The following ACSBG1 variants were observed in gnomAD, a reference collection of about 807,000 sequenced individuals.
ACSBG1 encodes the protein acyl-CoA synthetase bubblegum family member 1.
In ACSBG1, 39 loss-of-function variants were observed where a neutral mutation model predicts 80.2. The observed-to-expected ratio is 0.49, with a 90% CI of 0.38 to 0.64. The LOEUF (loss-of-function observed/expected upper bound fraction) is 0.64. Among genes scored for constraint, ACSBG1 ranks in the 30% least tolerant of loss-of-function variants. ACSBG1 has a pLI of 0.00. For missense variants in ACSBG1, 828 were observed against 966.4 expected, an observed-to-expected ratio of 0.86 and a Z score of 1.90; for synonymous variants, 392 against 379.5, an observed-to-expected ratio of 1.03 and a Z score of -0.38.
chr15:78,174,793 C>A, intron 11 of ACSBG1: 1 of 486,120 alleles, frequency 2.1e-6, no homozygotes, highest in South Asian at 2.4e-5. Context: ...TCATCCATGG[C>A]CCCCTTCTGC....
intron 13 of ACSBG1, among the ~76,000 whole-genome samples, chr15:78,173,344 CAAAAAAAAAAAAA>C: frequency 1.3e-5 from 1 of 75,232 alleles, no homozygotes; most frequent in South Asian, 6.0e-4. Flanking sequence ...GACTCCATCT[CAAAAAAAAAAAAA>C]AAAAAAAAAA....
intron 2 of ACSBG1, among the ~76,000 whole-genome samples, chr15:78,198,746 A>T (rs541608110): frequency 3.1e-4 from 47 of 152,352 alleles, no homozygotes; most frequent in African/African-American, 1.1e-3. Flanking sequence ...CCCTCTTTCT[A>T]CAAATATTCA....
At position 78,179,542 on chromosome 15, in the gene ACSBG1, AGCCT is replaced by A; in HGVS notation, c.1484+4_1484+7del. 6.2e-7 allele frequency: 1 copy of A among 1,607,674 alleles called. No homozygotes were observed. The highest frequency in any genetic ancestry group is 8.5e-7 in the Non-Finnish European group (1 of 1,174,596). On this transcript the variant is annotated splice_donor_5th_base_variant and intron_variant, in intron 10 of 13. Transcript: ENST00000258873. ...GGTGTGCATGTGTGTGGCAGCCTCGAGCCTCACCTGTACAGCCGGTAGTTGTAGG... is the reference window on the plus strand; with the variant it reads ...GGTGTGCATGTGTGTGGCAGCCTCGACACCTGTACAGCCGGTAGTTGTAGG...
rs375386246 is a variant in ACSBG1, at chr15:78,171,419, T to A, written c.*25A>T. 1.9e-6 allele frequency: 3 copies of A among 1,600,782 alleles called. No individual in the cohort carries two copies. The South Asian group carries it at 3.3e-5, about 18-fold the overall frequency. ...CTCGGAACGCCTGCCCTCTATTCTA[T>A]AGAAACTGCAGGCATAGGCCCTGAT... On this transcript the variant is annotated 3_prime_UTR_variant, in exon 14 of 14. Transcript: ENST00000258873.
chr15:78,173,973 T>C, intron 12 of ACSBG1, 134 bp from the exon 13 acceptor site: 1 of 1,091,780 alleles, frequency 9.2e-7, no homozygotes, highest in Non-Finnish European at 1.3e-6. Flanking sequence ...GGTTCTAGAA[T>C]GAGTAGCTGC....
chr15:78,193,611 G>A lies in ACSBG1; in HGVS notation c.558C>T (p.Gly186=). ...GTVFAGGIVT[G]IYTTSSPEAC... is the part of the protein sequence containing the mutation. Reference sequence around the variant, plus strand: ...CCTCTGGGGAGCTGGTGGTGTAGATGCCAGTGACGATGCCACTGTAGGAGA... The same window carrying A: ...CCTCTGGGGAGCTGGTGGTGTAGATACCAGTGACGATGCCACTGTAGGAGA... The change falls in exon 5 of 14, where the codon GGC becomes GGT. Residue 186 remains glycine, a synonymous_variant. Transcript: ENST00000258873. The A allele has an allele frequency of 1.2e-6, 2 of 1,611,216 alleles. No homozygotes were observed. The highest frequency in any genetic ancestry group is 1.7e-6 in the Non-Finnish European group (2 of 1,178,576).
In ACSBG1 at chr15:78,204,215, GTTCTCTATACGC is replaced by G. The variant is rs571878080; in HGVS notation, c.232+3775_232+3786del. On this transcript the variant is annotated intron_variant, in intron 2 of 13. Transcript: ENST00000258873. ...GAATTACAATTGGGGTAGACAAGAT[GTTCTCTATACGC>G]TTCTCCACAGTCATTGTTTTAGCTT... Among the ~76,000 whole-genome samples, 353 of 152,334 alleles carry G rather than the reference GTTCTCTATACGC, an allele frequency of 2.3e-3. 2 individuals are homozygous for G. The highest frequency in any genetic ancestry group is 0.01 in the Middle Eastern group (3 of 294).
Position 78,182,565 on chromosome 15 carries a change from G to A in ACSBG1, c.795C>T (p.Asp265=), listed in dbSNP as rs181992530. 9.3e-5 allele frequency: 150 copies of A among 1,614,084 alleles called. No individual in the cohort carries two copies. The Middle Eastern group carries it at 1.2e-3, about 12-fold the overall frequency. The change falls in exon 7 of 14, where the codon GAC becomes GAT. Residue 265 remains aspartate (D), a synonymous_variant. Coordinates refer to ENST00000258873, the MANE Select transcript of ACSBG1 (RefSeq NM_015162.5). ...TGGGCTGCTGGGTGTCAATGATGGCGTCCAGGGCTTCCTCAGGCACTTCAT... is the reference window on the plus strand; with the variant it reads ...TGGGCTGCTGGGTGTCAATGATGGCATCCAGGGCTTCCTCAGGCACTTCAT... ...LGNEVPEEAL[D]AIIDTQQPNQ...
intron 1 of ACSBG1, among the ~76,000 whole-genome samples, chr15:78,227,140 AC>A (rs955874676): frequency 5.1e-4 from 75 of 145,910 alleles, no homozygotes; most frequent in African/African-American, 1.8e-3. Flanking sequence ...AATTGCTTGA[AC>A]CTGGGAGGCA....
chr15:78,227,644 A>T (rs2075415101), intron 1 of ACSBG1, among the ~76,000 whole-genome samples: 1 of 152,236 alleles, frequency 6.6e-6, no homozygotes, highest in East Asian at 1.9e-4. Flanking sequence ...GATTTACCCA[A>T]GAAAATGAGA....
intron 2 of ACSBG1, among the ~76,000 whole-genome samples, chr15:78,197,045 C>T (rs542913211): frequency 6.6e-5 from 10 of 150,570 alleles, no homozygotes; most frequent in Admixed American, 3.3e-4. Context: ...GCCTGGACAA[C>T]GGAGTGAGAC....
chr15:78,180,127 T>TGTACAAACGTGGGACCCCAGTGAA, intron 9 of ACSBG1, among the ~76,000 whole-genome samples: 1 of 152,322 alleles, frequency 6.6e-6, no homozygotes, highest in Admixed American at 6.5e-5. Context: ...TGTATACACA[T>TGTACAAACGTGGGACCCCAGTGAA]GTACAAACGT....
rs2075232749 is a variant in ACSBG1 at position 78,208,053 on chromosome 15, G to A, written c.181C>T (p.Leu61Phe). ...PLSKESLNHA[L>F]ELSVPEKVNN... ...ACCTTCTCTGGCACTGAGAGCTCGA[G>A]AGCATGGTTCAGGGACTCTTTGGAG... The change falls in exon 2 of 14, where the codon CTC (leucine) becomes TTC (phenylalanine). Residue 61 changes from leucine (L) to phenylalanine (F), a missense_variant. By Grantham distance (22) the Leu-to-Phe change is conservative. Transcript: ENST00000258873. 6.2e-7 allele frequency: 1 copy of A among 1,614,134 alleles called. No individual in the cohort carries two copies. Among genetic ancestry groups the A allele is most frequent in the East Asian group, 2.2e-5 (1 of 44,882 alleles).
chr15:78,174,569 T>C, intron 11 of ACSBG1, 45 bp from the exon 12 acceptor site: 1 of 1,585,230 alleles, frequency 6.3e-7, no homozygotes, highest in Non-Finnish European at 8.6e-7. Flanking sequence ...GTAGTCCAGG[T>C]GCCCCAGCTG....
Position 78,168,992 on chromosome 15 carries a change from A to G in ACSBG1, c.*2452T>C. 1 of 1,597,118 alleles carries G rather than the reference A, an allele frequency of 6.3e-7. No homozygotes were observed. The highest frequency in any genetic ancestry group is 8.6e-7 in the Non-Finnish European group (1 of 1,165,694). On this transcript the variant is annotated 3_prime_UTR_variant, in exon 14 of 14. Transcript: ENST00000258873. ...ACAGAGGAAATCTGTCGCCGAGTAA[A>G]AGATTTAGATTAACACTTCTACAAC...
At chr15:78,205,120 G>A (rs2075201695) in intron 2 of ACSBG1, among the ~76,000 whole-genome samples, 2 of 152,068 alleles carry the variant, frequency 1.3e-5, no homozygotes, top group South Asian at 4.2e-4. Flanking sequence ...CCCTTCTCCT[G>A]CTGGGCTTCA....
At position 78,200,033 on chromosome 15, in the gene ACSBG1, C is replaced by T. The variant is rs115287741; in HGVS notation, c.233-5307G>A. 1.7e-3 allele frequency among the ~76,000 whole-genome samples: 262 copies of T among 152,266 alleles called. 2 individuals are homozygous for T. Among genetic ancestry groups the T allele is most frequent in the African/African-American group, 5.6e-3 (234 of 41,554 alleles). On this transcript the variant is annotated intron_variant, in intron 2 of 13. Coordinates refer to ENST00000258873, the MANE Select transcript of ACSBG1 (RefSeq NM_015162.5). The stretch of plus-strand genomic sequence containing the variant: ...GTTTAGATTATTAGAAGGAGGTTTA[C>T]CGGATCAAGAGAAAAGAGTGTTTAA...
Position 78,173,794 on chromosome 15 carries a change from C to T in ACSBG1, c.1888G>A (p.Glu630Lys), listed in dbSNP as rs758460378. 1.2e-6 allele frequency: 2 copies of T among 1,614,094 alleles called. No individual in the cohort carries two copies. The highest frequency in any genetic ancestry group is 1.7e-6 in the Non-Finnish European group (2 of 1,180,002). Reference protein sequence around the residue: ...DTSDQTDNLTEQAMEFCQRVG... With the variant: ...DTSDQTDNLTKQAMEFCQRVG... ...CTCTGGCAGAACTCCATAGCTTGTT[C>T]AGTCAGATTATCAGTCTGGTCAGAG... The change falls in exon 13 of 14, where the codon GAA (glutamate) becomes AAA (lysine). Residue 630 changes from glutamate to lysine, a missense_variant. Transcript: ENST00000258873.
intron 10 of ACSBG1, 81 bp downstream of exon 10, chr15:78,179,469 C>A (rs2074917679): frequency 7.5e-7 from 1 of 1,324,902 alleles, no homozygotes; most frequent in East Asian, 2.4e-5. Flanking sequence ...AGAAGGGGAT[C>A]CCCAGGGCAC....
Sources: allele counts gnomAD v4.1 joint callset (sites outside exome capture counted in the v4.1 genomes callset), GRCh38; gene constraint gnomAD v4.1.1; transcripts MANE v1.5; gene names NCBI Gene and HGNC (gene_info 2026-07-23, HGNC 2026-07-21).